The following ST7 variants were observed in gnomAD, a reference collection of about 807,000 sequenced individuals.
The protein encoded by ST7 is suppression of tumorigenicity 7, also known as suppressor of tumorigenicity 7 protein.
A neutral mutation model predicts 78.7 loss-of-function variants in ST7; 28 were observed. That is an observed-to-expected ratio of 0.36 (90% CI 0.26 to 0.49). The LOEUF (loss-of-function observed/expected upper bound fraction) is 0.49, where lower values mean the gene tolerates loss of function less well. Among genes scored for constraint, ST7 ranks in the 20% least tolerant of loss-of-function variants. ST7 has a pLI of 0.99. For missense variants in ST7, 418 were observed against 696.0 expected, an observed-to-expected ratio of 0.60 and a Z score of 4.49; for synonymous variants, 247 against 249.6, an observed-to-expected ratio of 0.99 and a Z score of 0.10.
At chr7:117,028,545 GTCCAA>G in intron 1 of ST7, among the ~76,000 whole-genome samples, 1 of 152,224 alleles carries the variant, frequency 6.6e-6, no homozygotes, top group South Asian at 2.1e-4. Flanking sequence ...CGCATGGATG[GTCCAA>G]GCCCGGACTT....
chr7:117,197,445 G>T (rs190113360), intron 12 of ST7, among the ~76,000 whole-genome samples: 178 of 152,302 alleles, frequency 1.2e-3, no homozygotes, highest in Non-Finnish European at 2.0e-3. Context: ...TAGATTTAAA[G>T]AATGGGAATT....
At chr7:117,171,040 AT>A in intron 10 of ST7, 64 bp downstream of exon 10, 1 of 1,043,004 alleles carries the variant, frequency 9.6e-7, no homozygotes, top group Non-Finnish European at 1.4e-6. Context: ...CCCTGATTAG[AT>A]TAGAAGGGTC....
chr7:117,094,535 G>A (rs1800878486), intron 1 of ST7, among the ~76,000 whole-genome samples: 1 of 152,224 alleles, frequency 6.6e-6, no homozygotes, highest in African/African-American at 2.4e-5. Context: ...CTTGTGGTCA[G>A]GGGCAGTGCT....
chr7:117,055,818 A>G (rs1198198897), intron 1 of ST7, among the ~76,000 whole-genome samples: 2 of 152,172 alleles, frequency 1.3e-5, no homozygotes, highest in African/African-American at 2.4e-5. Context: ...GGTTCCCTAG[A>G]GGGACAGAAC....
At chr7:117,128,043 G>GATGA (rs1012854076) in intron 3 of ST7, among the ~76,000 whole-genome samples, 7 of 151,990 alleles carry the variant, frequency 4.6e-5, no homozygotes, top group African/African-American at 1.7e-4. Flanking sequence ...TAATATTTCA[G>GATGA]ATGAGATTCT....
chr7:117,083,374 A>G lies in ST7; in HGVS notation c.152-16388A>G, dbSNP rs1799924281. On this transcript the variant is annotated intron_variant, in intron 1 of 15. Coordinates refer to ENST00000323984, the MANE Select transcript of ST7 (RefSeq NM_001369598.1). ...CCTCTCTGGTGATTCTCCTGCCTCA[A>G]CCTCCCGAGTAGTTGGGATTACAGG... Among the ~76,000 whole-genome samples the G allele has an allele frequency of 1.3e-5, 2 of 151,676 alleles. 1 individual carries two copies. Among genetic ancestry groups the G allele is most frequent in the African/African-American group, 4.9e-5 (2 of 41,236 alleles).
chr7:116,978,155 A>G (rs903166812), intron 1 of ST7, among the ~76,000 whole-genome samples: 4 of 152,172 alleles, frequency 2.6e-5, no homozygotes, highest in Non-Finnish European at 5.9e-5. Context: ...TTGGTAAAAC[A>G]TGGAGACTTA....
At chr7:117,220,637 T>C (rs1793020175) in intron 14 of ST7, among the ~76,000 whole-genome samples, 1 of 152,198 alleles carries the variant, frequency 6.6e-6, no homozygotes, top group African/African-American at 2.4e-5. Context: ...TCACATTAAT[T>C]GAATGCAGTG....
At chr7:117,152,217 A>ATATG (rs1806347388) in intron 9 of ST7, among the ~76,000 whole-genome samples, 2 of 120,900 alleles carry the variant, frequency 1.7e-5, no homozygotes, top group Admixed American at 1.7e-4. Flanking sequence ...ATATATATAT[A>ATATG]TATATACCAT....
At chr7:117,195,258 C>A (rs1342911263) in intron 12 of ST7, among the ~76,000 whole-genome samples, 2 of 151,968 alleles carry the variant, frequency 1.3e-5, no homozygotes, top group Non-Finnish European at 1.5e-5. Flanking sequence ...GTTCTTTAAC[C>A]TTAAAAAGGT....
At chr7:117,002,459 C>A (rs1255609749) in intron 1 of ST7, among the ~76,000 whole-genome samples, 1 of 151,698 alleles carries the variant, frequency 6.6e-6, no homozygotes, top group Non-Finnish European at 1.5e-5. Context: ...GAACTAAGAC[C>A]CATTATTTTA....
chr7:117,093,188 C>T (rs571881779), intron 1 of ST7, among the ~76,000 whole-genome samples: 1 of 152,260 alleles, frequency 6.6e-6, no homozygotes, highest in African/African-American at 2.4e-5. Context: ...GATAAAAGGA[C>T]CCTTCTATGA....
intron 1 of ST7, among the ~76,000 whole-genome samples, chr7:116,990,098 G>A (rs1371083458): frequency 2.6e-5 from 4 of 152,022 alleles, no homozygotes; most frequent in Admixed American, 1.3e-4. Flanking sequence ...CACCACACCC[G>A]GCTAATTTTT....
intron 1 of ST7, among the ~76,000 whole-genome samples, chr7:117,098,032 C>T (rs763009114): frequency 4.7e-5 from 7 of 149,096 alleles, no homozygotes; most frequent in Non-Finnish European, 1.0e-4. Context: ...CCGGAAGTTC[C>T]AGGTCCATTT....
chr7:117,223,807 CTTGAGAGCAGA>C (rs1177220423), intron 15 of ST7: 2 of 258,320 alleles, frequency 7.7e-6, no homozygotes, highest in Non-Finnish European at 1.2e-5. Context: ...ATGTGAGCTC[CTTGAGAGCAGA>C]ACGGTGTCTT....
chr7:116,972,817 T>A, intron 1 of ST7: 1 of 1,023,000 alleles, frequency 9.8e-7, no homozygotes, highest in African/African-American at 1.6e-5. Context: ...AACTTCTCAC[T>A]GGAGACGATC....
chr7:117,165,932 G>A (rs1009248656), intron 9 of ST7, among the ~76,000 whole-genome samples: 4 of 152,136 alleles, frequency 2.6e-5, no homozygotes, highest in Non-Finnish European at 5.9e-5. Context: ...TAGAAGTGAG[G>A]TTGGCATATT....
intron 3 of ST7, among the ~76,000 whole-genome samples, chr7:117,127,390 G>T (rs539293120): frequency 1.1e-4 from 16 of 151,874 alleles, no homozygotes; most frequent in Non-Finnish European, 2.2e-4. Context: ...GACAAGATAA[G>T]ATTATGGAAC....
intron 1 of ST7, among the ~76,000 whole-genome samples, chr7:117,028,286 T>C (rs1337595974): frequency 2.6e-5 from 4 of 152,212 alleles, no homozygotes; most frequent in Admixed American, 6.5e-5. Context: ...TGAGAATTGT[T>C]TGCTTGCAAT....
Sources: allele counts gnomAD v4.1 joint callset (sites outside exome capture counted in the v4.1 genomes callset), GRCh38; gene constraint gnomAD v4.1.1; transcripts MANE v1.5; gene names NCBI Gene and HGNC (gene_info 2026-07-23, HGNC 2026-07-21).